OR6N1: variants seen among roughly 807,000 people sequenced by gnomAD.
The protein encoded by OR6N1 is olfactory receptor 6N1.
For synonymous variants in OR6N1, 170 were observed against 150.7 expected (o/e 1.13, Z -0.94); for missense variants, 394 against 371.7 (o/e 1.06, Z -0.49).
At position 158,765,060 on chromosome 1, in the gene OR6N1, A is replaced by G. The variant is rs975950435; in HGVS notation, c.*684T>C. On this transcript the variant is annotated 3_prime_UTR_variant, in exon 2 of 2. Transcript: ENST00000641846. ...AGTAATGATGTGAAGTCTTCGCAGA[A>G]TAAAATAAATAAAAACAAGTCCTTA... 2.0e-5 allele frequency: 3 copies of G among 152,160 alleles called. No homozygotes were observed. Among genetic ancestry groups the G allele is most frequent in the African/African-American group, 4.8e-5 (2 of 41,440 alleles). The allele number at this position is 152,160 out of a possible 1,614,324, so 9.4% of individuals were successfully genotyped here.
chr1:158,778,543 A>C, the OR6N1 span, among the ~76,000 whole-genome samples: 4 of 152,236 alleles, frequency 2.6e-5, no homozygotes, highest in Non-Finnish European at 5.9e-5. Flanking sequence ...TTAGCTCCAT[A>C]GATGCAGGGC....
At chr1:158,805,627 T>G in the OR6N1 span, among the ~76,000 whole-genome samples, 1 of 152,096 alleles carries the variant, frequency 6.6e-6, no homozygotes, top group Non-Finnish European at 1.5e-5. Flanking sequence ...ACCTGAACTT[T>G]ATGTTCTAAA....
the OR6N1 span, among the ~76,000 whole-genome samples, chr1:158,786,039 G>T: frequency 6.6e-6 from 1 of 152,078 alleles, no homozygotes; most frequent in East Asian, 1.9e-4. Flanking sequence ...GTTCTGCACA[G>T]CAATAGAAAT....
At chr1:158,766,789 TTC>T in intron 1 of OR6N1, 89 bp from the exon 2 acceptor site, 1 of 741,928 alleles carries the variant, frequency 1.3e-6, no homozygotes, top group Non-Finnish European at 2.2e-6. Context: ...TTGCCCTCCC[TTC>T]TCTCACCTCC....
At chr1:158,830,619 A>T in the OR6N1 span, among the ~76,000 whole-genome samples, 5 of 152,190 alleles carry the variant, frequency 3.3e-5, no homozygotes, top group African/African-American at 1.2e-4. Context: ...TTGCAGTACA[A>T]AGGGTTTATC....
the OR6N1 span, among the ~76,000 whole-genome samples, chr1:158,785,495 A>G: frequency 3.3e-5 from 5 of 150,816 alleles, no homozygotes; most frequent in South Asian, 2.2e-4. Flanking sequence ...AAAGTTACGC[A>G]TCTACCTATA....
the OR6N1 span, among the ~76,000 whole-genome samples, chr1:158,828,179 C>A: frequency 2.0e-5 from 3 of 152,206 alleles, no homozygotes; most frequent in South Asian, 6.2e-4. Flanking sequence ...ATCATTCTAC[C>A]CCTGGCCCCT....
At chr1:158,818,557 T>G in the OR6N1 span, among the ~76,000 whole-genome samples, 1 of 152,086 alleles carries the variant, frequency 6.6e-6, no homozygotes, top group East Asian at 1.9e-4. Flanking sequence ...TGAAAGAGCT[T>G]GATGAGCTCT....
the OR6N1 span, among the ~76,000 whole-genome samples, chr1:158,810,151 T>G: frequency 6.6e-6 from 1 of 152,188 alleles, no homozygotes; most frequent in African/African-American, 2.4e-5. Flanking sequence ...TATGTTTCCC[T>G]AAATTGGAAA....
intron 1 of OR6N1, among the ~76,000 whole-genome samples, chr1:158,769,795 G>A (rs74122464): frequency 0.01 from 1,568 of 152,166 alleles, 35 homozygotes; most frequent in African/African-American, 0.034. Context: ...AACTACTTCC[G>A]GGCCAAACTT....
the OR6N1 span, among the ~76,000 whole-genome samples, chr1:158,785,787 A>G: frequency 1.4e-4 from 21 of 152,206 alleles, no homozygotes; most frequent in Admixed American, 1.3e-4. Flanking sequence ...TTATCCTGAG[A>G]TTATAATTTA....
upstream of OR6N1, chr1:158,776,842 CTCT>C: frequency 1.2e-6 from 2 of 1,614,138 alleles, no homozygotes; most frequent in Non-Finnish European, 1.7e-6. Context: ...CAGGGAATAG[CTCT>C]TCTTTAGCCG....
chr1:158,780,890 C>T, the OR6N1 span, among the ~76,000 whole-genome samples: 1 of 152,312 alleles, frequency 6.6e-6, no homozygotes, highest in South Asian at 2.1e-4. Context: ...TCTTGTCTCT[C>T]TACCTTTTAA....
the OR6N1 span, among the ~76,000 whole-genome samples, chr1:158,805,395 C>T: frequency 1.3e-5 from 2 of 152,162 alleles, no homozygotes; most frequent in African/African-American, 4.8e-5. Context: ...CACTACTTCT[C>T]AAACTTTTAT....
chr1:158,821,682 C>G, the OR6N1 span, among the ~76,000 whole-genome samples: 2 of 152,246 alleles, frequency 1.3e-5, no homozygotes, highest in African/African-American at 4.8e-5. Flanking sequence ...ATCCACTCAC[C>G]TGCTGAAGGA....
At chr1:158,815,888 G>T in the OR6N1 span, among the ~76,000 whole-genome samples, 1 of 152,152 alleles carries the variant, frequency 6.6e-6, no homozygotes, top group African/African-American at 2.4e-5. Flanking sequence ...GGGCACAGTG[G>T]CTCATGCCTG....
chr1:158,831,488 T>G, the OR6N1 span: 8 of 152,200 alleles, frequency 5.3e-5, no homozygotes, highest in African/African-American at 1.9e-4. Flanking sequence ...TTACGGACAG[T>G]GATTCTGTCC....
chr1:158,813,609 G>A, the OR6N1 span, among the ~76,000 whole-genome samples: 383 of 152,058 alleles, frequency 2.5e-3, 2 homozygotes, highest in Non-Finnish European at 3.2e-3. Flanking sequence ...GGAAGAAAGG[G>A]GCAAATGGTC....
the OR6N1 span, among the ~76,000 whole-genome samples, chr1:158,797,788 T>C: frequency 1.3e-5 from 2 of 152,332 alleles, no homozygotes; most frequent in South Asian, 2.1e-4. Context: ...TGTTAGGCTA[T>C]CTTTGTAAAA....
Sources: gnomAD v4.1 joint callset for allele counts (sites outside exome capture counted in the v4.1 genomes callset) on GRCh38, gnomAD v4.1.1 for gene constraint, MANE v1.5 for transcripts, NCBI Gene and HGNC (gene_info 2026-07-23, HGNC 2026-07-21) for gene names.